Variants in LETM1 observed in about 807,000 individuals in gnomAD.
The protein encoded by LETM1 is mitochondrial proton/calcium exchanger protein.
LETM1 carries 50 observed loss-of-function variants against 74.5 expected under a neutral mutation model. That is an observed-to-expected ratio of 0.67 (90% CI 0.53 to 0.85). The LOEUF (loss-of-function observed/expected upper bound fraction) is 0.85. LETM1 is among the 40% of genes least tolerant of loss of function. LETM1 has a pLI of 0.00. For missense variants in LETM1, 824 were observed against 967.8 expected (o/e 0.85, Z 1.97); for synonymous variants, 446 against 407.1 (o/e 1.10, Z -1.15).
chr4:1,843,070 C>A, intron 2 of LETM1: 1 of 295,214 alleles, frequency 3.4e-6, no homozygotes, highest in Non-Finnish European at 6.9e-6. Context: ...GCTCTCTGTG[C>A]ATGGCCTGAC....
chr4:1,853,752 C>G (rs983638185), intron 1 of LETM1, among the ~76,000 whole-genome samples: 8 of 152,116 alleles, frequency 5.3e-5, no homozygotes, highest in Non-Finnish European at 1.2e-4. Flanking sequence ...GACAACGAAC[C>G]CTACTCATCT....
rs28681468 is a variant in LETM1 at position 1,822,293 on chromosome 4, C to T, written c.1496G>A (p.Arg499His). Residue 499 changes from arginine (R) to histidine (H), a missense_variant, in exon 10 of 14, where the codon CGT becomes CAT. This residue lies in a region of LETM1 where 172 missense variants were observed against 170.7 expected (regional missense o/e 1.01). Coordinates refer to ENST00000302787, the MANE Select transcript of LETM1 (RefSeq NM_012318.3). ...CGGCCTTTGGGGAGCAGCTACCACA[C>T]GTTCGGGCTCAAAATCCTTCTGAAA... Reference protein sequence around the residue: ...SEVAKDFEPERVVAAPQRPGT... With the variant: ...SEVAKDFEPEHVVAAPQRPGT... 42,198 of 1,518,930 alleles carry T rather than the reference C, an allele frequency of 0.028. 700 individuals are homozygous for T. The highest frequency in any genetic ancestry group is 0.041 in the Middle Eastern group (233 of 5,720). The allele number at this position is 1,518,930 out of a possible 1,614,324, so 94.1% of individuals were successfully genotyped here. A position where few individuals can be genotyped will look rare whatever the true frequency, so the allele number is the denominator to read the frequency against.
intron 4 of LETM1, among the ~76,000 whole-genome samples, chr4:1,835,850 A>G (rs1219521005): frequency 6.6e-6 from 1 of 152,092 alleles, no homozygotes; most frequent in Non-Finnish European, 1.5e-5. Flanking sequence ...GGTCATGGCA[A>G]GAGGATTACT....
intron 3 of LETM1, among the ~76,000 whole-genome samples, chr4:1,838,383 C>G (rs1712562262): frequency 6.6e-6 from 1 of 152,030 alleles, no homozygotes; most frequent in South Asian, 2.1e-4. Flanking sequence ...CAGGTGTGAG[C>G]CACTGCGCCC....
chr4:1,841,871 C>T lies in LETM1; in HGVS notation c.144-74G>A, dbSNP rs977004358. On this transcript the variant is annotated intron_variant, in intron 2 of 13. Transcript: ENST00000302787. ...TTGACAGCTCAGCACCGAACACCAACAGCAGCAAAACCCACATGCCCCGTG... is the reference window on the plus strand; with the variant it reads ...TTGACAGCTCAGCACCGAACACCAATAGCAGCAAAACCCACATGCCCCGTG... The T allele has an allele frequency of 6.3e-6, 7 of 1,111,078 alleles. No homozygotes were observed. In the African/African-American group the frequency reaches 9.3e-5, roughly 15 times the overall value. The allele number at this position is 1,111,078 out of a possible 1,614,324, so 68.8% of individuals were successfully genotyped here.
chr4:1,854,752 C>G (rs1560514081), intron 1 of LETM1, among the ~76,000 whole-genome samples: 1 of 152,096 alleles, frequency 6.6e-6, no homozygotes, highest in African/African-American at 2.4e-5. Context: ...AAGATCACAC[C>G]ACTGCACTCT....
At position 1,834,985 on chromosome 4, in the gene LETM1, G is replaced by T; in HGVS notation, c.739-3C>A. ...AGCTCCTTCTTCAGCCTCTCCTCCTGCAAGGGCAGAGAGGGCACTGCATTC... is the reference window on the plus strand; with the variant it reads ...AGCTCCTTCTTCAGCCTCTCCTCCTTCAAGGGCAGAGAGGGCACTGCATTC... On this transcript the variant is annotated splice_polypyrimidine_tract_variant and splice_region_variant and intron_variant, in intron 4 of 13. Transcript: ENST00000302787. The surrounding 1 kb of genome is among the most constrained non-coding windows in gnomAD (Gnocchi z 5.0). 1 of 1,613,622 alleles carries T rather than the reference G, an allele frequency of 6.2e-7. No individual in the cohort carries two copies.
In LETM1 at chr4:1,814,359, A is replaced by ATC. The variant is rs2108832802; in HGVS notation, c.*63_*64dup. On this transcript the variant is annotated 3_prime_UTR_variant, in exon 14 of 14. Coordinates refer to ENST00000302787, the MANE Select transcript of LETM1 (RefSeq NM_012318.3). ...AGCCACTGAGAATCACCACAAAGCA[A>ATC]TCGCCCTCACGGCCCTTGCCAGGGT... The ATC allele has an allele frequency of 1.9e-6, 3 of 1,609,902 alleles. No individual in the cohort carries two copies. In the African/African-American group the frequency reaches 4.0e-5, roughly 21 times the overall value.
intron 10 of LETM1, among the ~76,000 whole-genome samples, chr4:1,820,942 T>G (rs564338572): frequency 6.6e-5 from 10 of 152,040 alleles, no homozygotes; most frequent in African/African-American, 2.4e-4. Context: ...GAGAATCACT[T>G]GAGCCTGGGA....
chr4:1,851,102 C>T (rs555568355), intron 1 of LETM1, among the ~76,000 whole-genome samples: 4 of 152,156 alleles, frequency 2.6e-5, no homozygotes, highest in Admixed American at 6.5e-5. Flanking sequence ...AGAGTTCATT[C>T]GTATTACTGA....
chr4:1,841,538 C>T lies in LETM1; in HGVS notation c.403G>A (p.Glu135Lys). 1.2e-6 allele frequency: 2 copies of T among 1,614,250 alleles called. No homozygotes were observed. Among genetic ancestry groups the T allele is most frequent in the South Asian group, 2.2e-5 (2 of 91,084 alleles). The change falls in exon 3 of 14, where the codon GAG becomes AAG. Residue 135 changes from glutamate (E) to lysine (K), a missense_variant. By Grantham distance (56) the Glu-to-Lys change is moderately conservative. Transcript: ENST00000302787. The stretch of plus-strand genomic sequence containing the variant: ...GGGCTGTACACCGGGCCGCCTTCCT[C>T]CAGCTTCTTGTTCTTGTCCTTCAAG... ...KSLKDKNKKL[E>K]EGGPVYSPPA...
At chr4:1,850,889 C>T (rs1264150097) in intron 1 of LETM1, among the ~76,000 whole-genome samples, 2 of 150,004 alleles carry the variant, frequency 1.3e-5, no homozygotes, top group Non-Finnish European at 3.0e-5. Flanking sequence ...TCACCTGAAC[C>T]CTCCGGGAGG....
intron 6 of LETM1, among the ~76,000 whole-genome samples, chr4:1,827,402 G>A (rs1448962259): frequency 3.3e-4 from 41 of 123,968 alleles, no homozygotes; most frequent in Middle Eastern, 3.6e-3. Flanking sequence ...AGTGAACAAA[G>A]GTCTCTGGTT....
rs575209963 is a variant in LETM1 at position 1,838,320 on chromosome 4, G to A, written c.595-1748C>T. Among the ~76,000 whole-genome samples the A allele has an allele frequency of 3.0e-4, 45 of 151,870 alleles. 1 individual carries two copies. Among genetic ancestry groups the A allele is most frequent in the Middle Eastern group, 3.4e-3 (1 of 292 alleles). On this transcript the variant is annotated intron_variant, in intron 3 of 13. Transcript: ENST00000302787. ...TCACCGTGTTGGCCAGGATGGTCTC[G>A]ATCTCTTGACCTCATGATCGGCCCG...
chr4:1,842,025 G>C (rs1484635649), intron 2 of LETM1, among the ~76,000 whole-genome samples: 1 of 152,160 alleles, frequency 6.6e-6, no homozygotes, highest in Non-Finnish European at 1.5e-5. Context: ...CGTCGGACAG[G>C]AGCATGGGCG....
intron 6 of LETM1, among the ~76,000 whole-genome samples, chr4:1,826,810 G>A (rs895555445): frequency 3.3e-5 from 5 of 152,226 alleles, no homozygotes; most frequent in African/African-American, 7.2e-5. Context: ...GTTTGATTTC[G>A]CTCTGGTGGT....
chr4:1,825,469 G>A (rs527617781), intron 7 of LETM1, 95 bp downstream of exon 7: 11 of 1,476,896 alleles, frequency 7.4e-6, no homozygotes, highest in Middle Eastern at 4.7e-4. Flanking sequence ...TCGCCAGGCC[G>A]GCCCAGAGTT....
chr4:1,841,828 A>T, intron 2 of LETM1, 31 bp from the exon 3 acceptor site: 2 of 1,529,668 alleles, frequency 1.3e-6, no homozygotes, highest in Non-Finnish European at 1.8e-6. Flanking sequence ...AAACAGTAGT[A>T]AGAGCCAGCA....
chr4:1,852,599 A>T (rs571989004), intron 1 of LETM1, among the ~76,000 whole-genome samples: 7 of 152,332 alleles, frequency 4.6e-5, no homozygotes, highest in African/African-American at 1.7e-4. Flanking sequence ...TCACCTCATC[A>T]GCATAAACTC....
Sources: allele counts gnomAD v4.1 joint callset (sites outside exome capture counted in the v4.1 genomes callset), GRCh38; gene constraint gnomAD v4.1.1; regional missense constraint gnomAD v4.1.1; non-coding constraint Gnocchi (gnomAD v3.1); transcripts MANE v1.5; gene names NCBI Gene and HGNC (gene_info 2026-07-23, HGNC 2026-07-21).